The following FBXL14 variants were observed in gnomAD, a reference collection of about 807,000 sequenced individuals.
FBXL14 encodes the protein F-box and leucine rich repeat protein 14, also known as F-box/LRR-repeat protein 14.
FBXL14 carries 11 observed loss-of-function variants against 24.5 expected under a neutral mutation model. The observed-to-expected ratio is 0.45, with a 90% CI of 0.28 to 0.74. The LOEUF is 0.74. FBXL14 is among the 30% of genes least tolerant of loss of function. The pLI, the probability that FBXL14 is intolerant of heterozygous loss-of-function variation, is 0.12. For missense variants in FBXL14, 384 were observed against 545.6 expected (o/e 0.70, Z 2.95); for synonymous variants, 294 against 240.4 (o/e 1.22, Z -2.06).
chr12:1,593,823 G>C lies in FBXL14; in HGVS notation c.244C>G (p.Leu82Val), dbSNP rs1192642333. 1 of 1,614,090 alleles carries C rather than the reference G, an allele frequency of 6.2e-7. No individual in the cohort carries two copies. The highest frequency in any genetic ancestry group is 1.7e-5 in the Admixed American group (1 of 60,036). Residue 82 changes from leucine to valine, a missense_variant, in exon 1 of 2, where the codon CTC (leucine) becomes GTC (valine). Leu to Val is a conservative substitution (Grantham distance 32, BLOSUM62 1). Transcript: ENST00000339235. The surrounding 1 kb of genome is among the most constrained non-coding windows in gnomAD (Gnocchi z 7.4). ...RVQILSLRRSLSYVIQGMANI... is the reference protein window; with the variant it reads ...RVQILSLRRSVSYVIQGMANI... Reference sequence around the variant, plus strand: ...GCCATGCCCTGGATCACGTAGCTGAGGCTGCGGCGGAGGCTCAGGATCTGC... The same window carrying C: ...GCCATGCCCTGGATCACGTAGCTGACGCTGCGGCGGAGGCTCAGGATCTGC...
intron 1 of FBXL14, among the ~76,000 whole-genome samples, chr12:1,581,214 G>A (rs990596738): frequency 6.7e-6 from 1 of 149,022 alleles, no homozygotes. Context: ...CCTTTAGGGT[G>A]GGGGGTGGGT....
At chr12:1,584,195 T>C (rs959727279) in intron 1 of FBXL14, among the ~76,000 whole-genome samples, 3 of 151,742 alleles carry the variant, frequency 2.0e-5, no homozygotes, top group Non-Finnish European at 4.4e-5. Context: ...AAAAAAATAA[T>C]AATAGTAATA....
At position 1,569,067 on chromosome 12, in the gene FBXL14, G is replaced by C. The variant is rs183268862; in HGVS notation, c.1195-2257C>G. On this transcript the variant is annotated intron_variant, in intron 1 of 1. Coordinates refer to ENST00000339235, the MANE Select transcript of FBXL14 (RefSeq NM_152441.3). This position sits in a 1 kb window ranked among gnomAD's most constrained non-coding sequence, Gnocchi z 4.2. ...TTATAATCTCACAAGTATTTTCATA[G>C]GATTGAGATATAAAGAATATATTGA... Among the ~76,000 whole-genome samples the C allele has an allele frequency of 7.7e-4, 117 of 152,234 alleles. No homozygotes were observed. The highest frequency in any genetic ancestry group is 2.7e-3 in the African/African-American group (112 of 41,534).
intron 1 of FBXL14, among the ~76,000 whole-genome samples, chr12:1,568,732 G>A (rs1421412108): frequency 6.6e-6 from 1 of 152,074 alleles, no homozygotes; most frequent in Non-Finnish European, 1.5e-5. Flanking sequence ...GTGGTGGCGG[G>A]CGCCTGTAAT....
rs201499425 is a variant in FBXL14 at position 1,566,803 on chromosome 12, C to A, written c.1202G>T (p.Arg401Leu). The A allele has an allele frequency of 1.3e-6, 1 of 781,014 alleles. No individual in the cohort carries two copies. Among genetic ancestry groups the A allele is most frequent in the Admixed American group, 1.7e-5 (1 of 59,038 alleles). The allele number at this position is 781,014 out of a possible 1,614,324, so 48.4% of individuals were successfully genotyped here. A position where few individuals can be genotyped will look rare whatever the true frequency, so the allele number is the denominator to read the frequency against. ...AGTGAATAATGGAGAAAAATCCCCT[C>A]GTGCCTCCTGCAGTGGGAAGAAGAA... Reference protein sequence around the residue: ...WQMTDSEKEARGDFSPLFTVR... With the variant: ...WQMTDSEKEALGDFSPLFTVR... Residue 401 changes from arginine to leucine, a missense_variant, in exon 2 of 2, where the codon CGA (arginine) becomes CTA (leucine). By Grantham distance (102) the Arg-to-Leu change is moderately radical (BLOSUM62 -2). Coordinates refer to ENST00000339235, the MANE Select transcript of FBXL14 (RefSeq NM_152441.3).
intron 1 of FBXL14, 92 bp downstream of exon 1, chr12:1,592,781 C>A: frequency 9.1e-7 from 1 of 1,099,554 alleles, no homozygotes; most frequent in Non-Finnish European, 1.3e-6. Flanking sequence ...ATGATCTGTG[C>A]GTAAGTGTGC....
Position 1,579,264 on chromosome 12 carries a change from T to C in FBXL14, c.1195-12454A>G, listed in dbSNP as rs2094461695. 6.6e-6 allele frequency among the ~76,000 whole-genome samples: 1 copy of C among 152,060 alleles called. No homozygotes were observed. The highest frequency in any genetic ancestry group is 6.6e-5 in the Admixed American group (1 of 15,226). ...TCTGAGGGCAAACCAAAAATGTCAG[T>C]AAAGCAAAAATATATCAATAAGGCA... On this transcript the variant is annotated intron_variant, in intron 1 of 1. Transcript: ENST00000339235. The surrounding 1 kb of genome is among the most constrained non-coding windows in gnomAD (Gnocchi z 4.3).
At chr12:1,590,078 T>TGTC (rs2094486048) in intron 1 of FBXL14, among the ~76,000 whole-genome samples, 1 of 152,086 alleles carries the variant, frequency 6.6e-6, no homozygotes, top group Non-Finnish European at 1.5e-5. Flanking sequence ...TCAGGAGTTG[T>TGTC]GTCAAATGCT....
intron 1 of FBXL14, among the ~76,000 whole-genome samples, chr12:1,591,214 G>T (rs949410068): frequency 2.6e-5 from 4 of 152,240 alleles, no homozygotes; most frequent in Admixed American, 2.6e-4. Context: ...CTACCCATGA[G>T]TTGACTCACC....
intron 1 of FBXL14, among the ~76,000 whole-genome samples, chr12:1,584,254 G>C (rs936899763): frequency 3.9e-5 from 6 of 152,192 alleles, no homozygotes; most frequent in African/African-American, 1.4e-4. Flanking sequence ...GGGAGGCTGA[G>C]GTGGGAGGAT....
In FBXL14 at chr12:1,575,503, G is replaced by A. The variant is rs535495667; in HGVS notation, c.1195-8693C>T. ...CACTGTGCCGTTCGGGATCCCGTGG[G>A]GAAAACACCCTCTTCCTCACTGGTC... is the stretch of plus-strand genomic sequence containing the variant. On this transcript the variant is annotated intron_variant, in intron 1 of 1. Transcript: ENST00000339235. 2.0e-5 allele frequency among the ~76,000 whole-genome samples: 3 copies of A among 152,302 alleles called. No homozygotes were observed. In the East Asian group the frequency reaches 5.8e-4, roughly 29 times the overall value.
chr12:1,566,390 A>C lies in FBXL14; in HGVS notation c.*358T>G. 5.2e-6 allele frequency: 1 copy of C among 192,072 alleles called. No homozygotes were observed. The highest frequency in any genetic ancestry group is 1.3e-4 in the East Asian group (1 of 7,446). The allele number at this position is 192,072 out of a possible 1,614,324, so 11.9% of individuals were successfully genotyped here. On this transcript the variant is annotated 3_prime_UTR_variant, in exon 2 of 2. Coordinates refer to ENST00000339235, the MANE Select transcript of FBXL14 (RefSeq NM_152441.3). ...CCCCTGTACATAGATATATGTACAC[A>C]TGTATATATTTATATGTATAAAATT...
In FBXL14 at chr12:1,585,203, CCTGA is replaced by C. The variant is rs768866963; in HGVS notation, c.1194+7666_1194+7669del. On this transcript the variant is annotated intron_variant, in intron 1 of 1. Transcript: ENST00000339235. ...CACAAGGTCAGGAGATCGAGACCATCCTGACTAACATGGTGAAACCCCGTCTCTA... is the reference window on the plus strand; with the variant it reads ...CACAAGGTCAGGAGATCGAGACCATCCTAACATGGTGAAACCCCGTCTCTA... Among the ~76,000 whole-genome samples the C allele has an allele frequency of 1.3e-4, 20 of 152,134 alleles. No homozygotes were observed. In the South Asian group the frequency reaches 1.5e-3, roughly 11 times the overall value.
chr12:1,591,633 C>A (rs2094490361), intron 1 of FBXL14, among the ~76,000 whole-genome samples: 1 of 152,116 alleles, frequency 6.6e-6, no homozygotes, highest in South Asian at 2.1e-4. Context: ...CCAACCCCCA[C>A]CAAAAGAAAG....
At chr12:1,589,107 G>A (rs1387971379) in intron 1 of FBXL14, among the ~76,000 whole-genome samples, 3 of 151,388 alleles carry the variant, frequency 2.0e-5, no homozygotes, top group African/African-American at 7.3e-5. Context: ...TGGAGCCTGG[G>A]CCACGCAGAG....
At chr12:1,574,640 C>G (rs574684468) in intron 1 of FBXL14, 16 of 195,026 alleles carry the variant, frequency 8.2e-5, no homozygotes, top group African/African-American at 3.6e-4. Context: ...TTTGAGGGAT[C>G]TGAAGTTCAA....
chr12:1,570,674 T>A (rs2154437684), intron 1 of FBXL14, among the ~76,000 whole-genome samples: 1 of 152,218 alleles, frequency 6.6e-6, no homozygotes, highest in East Asian at 1.9e-4. Flanking sequence ...GCAGTCAAGT[T>A]AAGGACTAAG....
intron 1 of FBXL14, among the ~76,000 whole-genome samples, chr12:1,578,446 G>T (rs1462256257): frequency 6.6e-6 from 1 of 152,078 alleles, no homozygotes; most frequent in Non-Finnish European, 1.5e-5. Context: ...TTTGAGACCA[G>T]TGTGGTCAAC....
At chr12:1,580,172 A>C (rs193002330) in intron 1 of FBXL14, among the ~76,000 whole-genome samples, 1 of 152,322 alleles carries the variant, frequency 6.6e-6, no homozygotes, top group East Asian at 1.9e-4. Flanking sequence ...AGGGTTGGGA[A>C]CGTGACCTCT....
Sources: allele counts gnomAD v4.1 joint callset (sites outside exome capture counted in the v4.1 genomes callset), GRCh38; gene constraint gnomAD v4.1.1; non-coding constraint Gnocchi (gnomAD v3.1); transcripts MANE v1.5; gene names NCBI Gene and HGNC (gene_info 2026-07-23, HGNC 2026-07-21).